Variants in TRHDE observed in about 807,000 individuals in gnomAD.
The protein encoded by TRHDE is thyrotropin-releasing hormone-degrading ectoenzyme.
In TRHDE, 72 loss-of-function variants were observed where a neutral mutation model predicts 125.7. That is an observed-to-expected ratio of 0.57 (90% CI 0.47 to 0.70). TRHDE has a LOEUF of 0.70. Among genes scored for constraint, TRHDE ranks in the 30% least tolerant of loss-of-function variants. TRHDE has a pLI of 0.00. For missense variants in TRHDE, 1,110 were observed against 1,327.1 expected, an observed-to-expected ratio of 0.84 and a Z score of 2.54; for synonymous variants, 509 against 509.1, an observed-to-expected ratio of 1.00 and a Z score of 0.00.
chr12:72,429,325 C>A, intron 3 of TRHDE, among the ~76,000 whole-genome samples: 3 of 139,366 alleles, frequency 2.2e-5, no homozygotes, highest in African/African-American at 5.6e-5. Context: ...CACACGTAAC[C>A]CAGAATTTAA....
At chr12:72,483,692 C>T (rs1416027739) in intron 5 of TRHDE, among the ~76,000 whole-genome samples, 1 of 151,842 alleles carries the variant, frequency 6.6e-6, no homozygotes, top group African/African-American at 2.4e-5. Flanking sequence ...TTTCTGGGCT[C>T]TTCGTACTCT....
At position 72,486,724 on chromosome 12, in the gene TRHDE, A is replaced by T. The variant is rs150045154; in HGVS notation, c.1585-12774A>T. On this transcript the variant is annotated intron_variant, in intron 5 of 18. Coordinates refer to ENST00000261180, the MANE Select transcript of TRHDE (RefSeq NM_013381.3). Reference sequence around the variant, plus strand: ...TGACCGCACCACTAAGTATGCAAACATACATGCAGGGACACAAGAAACATG... The same window carrying T: ...TGACCGCACCACTAAGTATGCAAACTTACATGCAGGGACACAAGAAACATG... Among the ~76,000 whole-genome samples, 1,304 of 152,312 alleles carry T rather than the reference A, an allele frequency of 8.6e-3. 70 individuals are homozygous for T. Among genetic ancestry groups the T allele is most frequent in the Admixed American group, 0.077 (1,179 of 15,296 alleles).
chr12:72,549,020 T>A (rs1246982355), intron 7 of TRHDE, among the ~76,000 whole-genome samples: 1 of 151,914 alleles, frequency 6.6e-6, no homozygotes, highest in Non-Finnish European at 1.5e-5. Context: ...AGTATTTAAC[T>A]GCTCTTTTCC....
chr12:72,550,556 A>G (rs1459835678), intron 7 of TRHDE, among the ~76,000 whole-genome samples: 2 of 152,022 alleles, frequency 1.3e-5, no homozygotes, highest in African/African-American at 2.4e-5. Flanking sequence ...TAATATTTTT[A>G]TAATTGCTTG....
chr12:72,166,379 A>T (rs1381333788), intron 2 of TRHDE, among the ~76,000 whole-genome samples: 1 of 152,120 alleles, frequency 6.6e-6, no homozygotes, highest in African/African-American at 2.4e-5. Context: ...ACACATACAT[A>T]TATCTATGCA....
intron 1 of TRHDE, among the ~76,000 whole-genome samples, chr12:72,091,348 C>T (rs1429604295): frequency 6.6e-6 from 1 of 152,174 alleles, no homozygotes; most frequent in Non-Finnish European, 1.5e-5. Flanking sequence ...GGACAACCTG[C>T]ATCCTGTAAT....
intron 2 of TRHDE, among the ~76,000 whole-genome samples, chr12:72,130,525 G>T: frequency 6.6e-6 from 1 of 152,070 alleles, no homozygotes; most frequent in East Asian, 1.9e-4. Flanking sequence ...CAACTAAACC[G>T]AGGAAAATAT....
At chr12:72,205,118 G>A (rs532743494) in intron 2 of TRHDE, among the ~76,000 whole-genome samples, 9 of 152,226 alleles carry the variant, frequency 5.9e-5, no homozygotes, top group Middle Eastern at 3.4e-3. Context: ...CCTCCATAGC[G>A]TATGTTTCAG....
Position 72,663,445 on chromosome 12 carries a change from T to G in TRHDE, c.*250T>G, listed in dbSNP as rs1874997151. 6.3e-6 allele frequency: 2 copies of G among 317,356 alleles called. No homozygotes were observed. Among genetic ancestry groups the G allele is most frequent in the Non-Finnish European group, 1.2e-5 (2 of 173,272 alleles). 19.7% of individuals were successfully genotyped at this position (317,356 alleles called of 1,614,324 possible). On this transcript the variant is annotated 3_prime_UTR_variant, in exon 19 of 19. Transcript: ENST00000261180. ...TCTTGCAAGTGAAACTAGCCATGAT[T>G]GCTTCAGCTGTACATTCCTTGCTGT... is the stretch of plus-strand genomic sequence containing the variant.
intron 2 of TRHDE, among the ~76,000 whole-genome samples, chr12:72,313,083 A>T: frequency 6.6e-6 from 1 of 152,046 alleles, no homozygotes; most frequent in Non-Finnish European, 1.5e-5. Context: ...AAAATTTTTT[A>T]TAGTTATTAG....
intron 2 of TRHDE, among the ~76,000 whole-genome samples, chr12:72,124,007 T>C (rs892600344): frequency 1.3e-5 from 2 of 152,212 alleles, no homozygotes; most frequent in African/African-American, 4.8e-5. Flanking sequence ...TGTTCCTTTT[T>C]ATCACTGAGT....
chr12:72,090,567 A>G (rs986605227), intron 1 of TRHDE, among the ~76,000 whole-genome samples: 13 of 152,106 alleles, frequency 8.5e-5, no homozygotes, highest in Middle Eastern at 3.2e-3. Flanking sequence ...TTGAATTTTG[A>G]TGCTTCATGT....
chr12:72,292,894 C>T (rs1880141836), intron 2 of TRHDE, among the ~76,000 whole-genome samples: 1 of 152,010 alleles, frequency 6.6e-6, no homozygotes. Flanking sequence ...ATGCTCACTG[C>T]GGAGAGTAGT....
At position 72,512,515 on chromosome 12, in the gene TRHDE, T is replaced by C. The variant is rs968910310; in HGVS notation, c.1722+12880T>C. Reference sequence around the variant, plus strand: ...AATATATTATATAGTTATAATTATATTATATATAATATATATGATTATATA... The same window carrying C: ...AATATATTATATAGTTATAATTATACTATATATAATATATATGATTATATA... On this transcript the variant is annotated intron_variant, in intron 6 of 18. Coordinates refer to ENST00000261180, the MANE Select transcript of TRHDE (RefSeq NM_013381.3). Among the ~76,000 whole-genome samples the C allele has an allele frequency of 2.2e-5, 3 of 138,446 alleles. No individual in the cohort carries two copies. In the Admixed American group the frequency reaches 2.3e-4, roughly 11 times the overall value. 90.8% of individuals were successfully genotyped at this position (138,446 alleles called of 152,430 possible). A position where few individuals can be genotyped will look rare whatever the true frequency, so the allele number is the denominator to read the frequency against.
chr12:72,533,516 A>T (rs1162387156), intron 6 of TRHDE, among the ~76,000 whole-genome samples: 2 of 151,994 alleles, frequency 1.3e-5, no homozygotes, highest in Non-Finnish European at 2.9e-5. Context: ...TTATTAGTAT[A>T]TGTTTCTAGA....
At chr12:72,286,531 C>T (rs1036032609) in intron 1 of TRHDE, 150 bp from the exon 2 acceptor site, 2 of 699,276 alleles carry the variant, frequency 2.9e-6, no homozygotes, top group Non-Finnish European at 4.7e-6. Flanking sequence ...ATGGATTATG[C>T]TTTCATGCTA....
intron 2 of TRHDE, among the ~76,000 whole-genome samples, chr12:72,322,866 G>A (rs1488737134): frequency 6.6e-6 from 1 of 152,118 alleles, no homozygotes; most frequent in Non-Finnish European, 1.5e-5. Context: ...AGTGGATATA[G>A]GGGGTGCAGA....
intron 3 of TRHDE, among the ~76,000 whole-genome samples, chr12:72,455,328 C>T (rs1021420401): frequency 6.6e-6 from 1 of 151,830 alleles, no homozygotes; most frequent in East Asian, 1.9e-4. Flanking sequence ...TGATAACAAC[C>T]AACTGGTTAT....
chr12:72,626,555 T>G (rs1047766834), intron 15 of TRHDE, among the ~76,000 whole-genome samples: 2 of 151,906 alleles, frequency 1.3e-5, no homozygotes, highest in Non-Finnish European at 2.9e-5. Context: ...GATTCTCAAT[T>G]AGGAGCAGGA....
Sources: allele counts gnomAD v4.1 joint callset (sites outside exome capture counted in the v4.1 genomes callset), GRCh38; gene constraint gnomAD v4.1.1; transcripts MANE v1.5; gene names NCBI Gene and HGNC (gene_info 2026-07-23, HGNC 2026-07-21).